TBCK: variants seen among roughly 807,000 people sequenced by gnomAD.
TBCK encodes TBC1 domain containing kinase.
A neutral mutation model predicts 113.4 loss-of-function variants in TBCK; 99 were observed. The observed-to-expected ratio is 0.87, with a 90% CI of 0.74 to 1.03. The LOEUF (loss-of-function observed/expected upper bound fraction) is 1.03. Among genes scored for constraint, TBCK ranks in the 50% least tolerant of loss-of-function variants. The pLI is 0.00. For synonymous variants in TBCK, 369 were observed against 370.8 expected, an observed-to-expected ratio of 1.00 and a Z score of 0.05; for missense variants, 1,045 against 1,061.3, an observed-to-expected ratio of 0.98 and a Z score of 0.21.
intron 23 of TBCK, among the ~76,000 whole-genome samples, chr4:106,127,095 C>A (rs992837985): frequency 6.6e-6 from 1 of 151,306 alleles, no homozygotes; most frequent in Non-Finnish European, 1.5e-5. Context: ...GTAATCCCAG[C>A]TACTCGGGAG....
chr4:106,301,515 GA>G (rs1192284973), intron 2 of TBCK, among the ~76,000 whole-genome samples: 7 of 151,628 alleles, frequency 4.6e-5, no homozygotes, highest in African/African-American at 9.7e-5. Context: ...TCTCCTATTA[GA>G]AAAAAAATTC....
intron 24 of TBCK, 116 bp from the exon 25 acceptor site, chr4:106,095,757 T>A: frequency 1.2e-6 from 1 of 819,958 alleles, no homozygotes; most frequent in Non-Finnish European, 1.8e-6. Context: ...CCAGCTTATG[T>A]GAGTATTTTA....
At chr4:106,068,589 A>T (rs1229233544) in intron 25 of TBCK, among the ~76,000 whole-genome samples, 1 of 152,204 alleles carries the variant, frequency 6.6e-6, no homozygotes, top group Non-Finnish European at 1.5e-5. Flanking sequence ...TGCTATTGTG[A>T]ATAGTGCCAC....
chr4:106,205,635 AAACACCT>A (rs1474651614), intron 20 of TBCK, among the ~76,000 whole-genome samples: 1 of 150,586 alleles, frequency 6.6e-6, no homozygotes, highest in Non-Finnish European at 1.5e-5. Flanking sequence ...GCATGGTGGC[AAACACCT>A]GTAATCCCAG....
chr4:106,067,750 A>G (rs982912759), intron 25 of TBCK, among the ~76,000 whole-genome samples: 1 of 152,128 alleles, frequency 6.6e-6, no homozygotes, highest in Non-Finnish European at 1.5e-5. Context: ...TGAATAATCT[A>G]TCTTTTCTCA....
intron 21 of TBCK, 26 bp downstream of exon 21, chr4:106,194,692 A>G (rs761615755): frequency 3.8e-5 from 60 of 1,589,488 alleles, no homozygotes; most frequent in Non-Finnish European, 6.0e-6. Context: ...TACAATATCA[A>G]AAAAACCGGG....
In TBCK at chr4:106,262,087, T is replaced by G. The variant is rs1284840721; in HGVS notation, c.381+11A>C. The G allele has an allele frequency of 3.4e-6, 5 of 1,459,328 alleles. No homozygotes were observed. Among genetic ancestry groups the G allele is most frequent in the Non-Finnish European group, 4.7e-6 (5 of 1,074,340 alleles). 90.4% of individuals were successfully genotyped at this position (1,459,328 alleles called of 1,614,324 possible). On this transcript the variant is annotated intron_variant, in intron 4 of 25. Coordinates refer to ENST00000394708, the MANE Select transcript of TBCK (RefSeq NM_001163435.3). Reference sequence around the variant, plus strand: ...GATATATAAATATTTATTACATGATTTAACAATTACCTTTCGGTCCAACAG... The same window carrying G: ...GATATATAAATATTTATTACATGATGTAACAATTACCTTTCGGTCCAACAG...
chr4:106,290,169 A>G (rs1008854139), intron 3 of TBCK, among the ~76,000 whole-genome samples: 1 of 152,004 alleles, frequency 6.6e-6, no homozygotes, highest in Non-Finnish European at 1.5e-5. Context: ...AAGGAATAAT[A>G]TATTATTTTA....
intron 25 of TBCK, among the ~76,000 whole-genome samples, chr4:106,063,878 G>A (rs1560594755): frequency 6.6e-6 from 1 of 151,874 alleles, no homozygotes; most frequent in Admixed American, 6.6e-5. Context: ...CTTGGACTTA[G>A]TCTCCAGAAC....
At chr4:106,067,950 T>A (rs867256371) in intron 25 of TBCK, among the ~76,000 whole-genome samples, 2 of 152,088 alleles carry the variant, frequency 1.3e-5, no homozygotes, top group East Asian at 1.9e-4. Context: ...TTTTTCAAGA[T>A]TGTTTTGGGT....
At chr4:106,301,508 C>T (rs56833325) in intron 2 of TBCK, among the ~76,000 whole-genome samples, 25,552 of 151,898 alleles carry the variant, frequency 0.17, 2,148 homozygotes, top group South Asian at 0.25. Context: ...ATATTTTTCT[C>T]CTATTAGAAA....
chr4:106,309,612 C>G (rs1767966329), intron 1 of TBCK, among the ~76,000 whole-genome samples: 1 of 151,950 alleles, frequency 6.6e-6, no homozygotes, highest in South Asian at 2.1e-4. Context: ...AATAAGGCTC[C>G]TCTCTTTACC....
chr4:106,127,305 T>G (rs116255811), intron 23 of TBCK, among the ~76,000 whole-genome samples: 1,509 of 149,788 alleles, frequency 0.01, 21 homozygotes, highest in African/African-American at 0.035. Flanking sequence ...GGCAAAATAA[T>G]TTAATAAATA....
chr4:106,215,890 C>G (rs1476679567), intron 19 of TBCK, among the ~76,000 whole-genome samples: 2 of 151,676 alleles, frequency 1.3e-5, no homozygotes, highest in South Asian at 4.2e-4. Flanking sequence ...CAGAACTCTC[C>G]ACCCCAAATC....
chr4:106,203,167 C>A (rs1047971896), intron 20 of TBCK, among the ~76,000 whole-genome samples: 1 of 151,650 alleles, frequency 6.6e-6, no homozygotes, highest in African/African-American at 2.4e-5. Flanking sequence ...TCAGCTAGAA[C>A]CTATGAGAGA....
At chr4:106,196,416 C>T (rs929719978) in intron 20 of TBCK, among the ~76,000 whole-genome samples, 3 of 151,864 alleles carry the variant, frequency 2.0e-5, no homozygotes, top group Non-Finnish European at 4.4e-5. Flanking sequence ...TTACTACCTA[C>T]AGGGTTAGTT....
chr4:106,166,216 TAAAA>T (rs1157749475), intron 23 of TBCK, among the ~76,000 whole-genome samples: 7 of 151,490 alleles, frequency 4.6e-5, no homozygotes, highest in Non-Finnish European at 1.0e-4. Flanking sequence ...ACATTTCAGA[TAAAA>T]AAGAACAAAA....
chr4:106,072,082 T>G (rs1316272846), intron 25 of TBCK, among the ~76,000 whole-genome samples: 3 of 152,244 alleles, frequency 2.0e-5, no homozygotes, highest in Admixed American at 1.3e-4. Context: ...ATTAGGGCAT[T>G]TAGCCCATTT....
chr4:106,063,174 T>C (rs1736242838), intron 25 of TBCK, among the ~76,000 whole-genome samples: 1 of 151,952 alleles, frequency 6.6e-6, no homozygotes, highest in South Asian at 2.1e-4. Flanking sequence ...ACCTACAGAC[T>C]AAAACATTTG....
Sources: gnomAD v4.1 joint callset for allele counts (sites outside exome capture counted in the v4.1 genomes callset) on GRCh38, gnomAD v4.1.1 for gene constraint, MANE v1.5 for transcripts, NCBI Gene and HGNC (gene_info 2026-07-23, HGNC 2026-07-21) for gene names.